Variants in CCSER2 observed in about 807,000 individuals in gnomAD.
CCSER2 encodes the protein coiled-coil serine rich protein 2.
In CCSER2, 46 loss-of-function variants were observed where a neutral mutation model predicts 92.3. The ratio of observed to expected loss-of-function variants is 0.50; its 90% confidence interval spans 0.39 to 0.64. The LOEUF (loss-of-function observed/expected upper bound fraction) is 0.64, where lower values mean the gene tolerates loss of function less well. CCSER2 is among the 30% of genes least tolerant of loss of function. The pLI, the probability that CCSER2 is intolerant of heterozygous loss-of-function variation, is 0.00. For missense variants in CCSER2, 1,244 were observed against 1,238.9 expected (o/e 1.00, Z -0.06); for synonymous variants, 433 against 431.4 (o/e 1.00, Z -0.04).
In CCSER2 at chr10:84,372,284, G is replaced by A; in HGVS notation, c.1232G>A (p.Ser411Asn). 1 of 1,613,076 alleles carries A rather than the reference G, an allele frequency of 6.2e-7. No individual in the cohort carries two copies. Among genetic ancestry groups the A allele is most frequent in the Admixed American group, 1.7e-5 (1 of 59,924 alleles). The change falls in exon 2 of 10, where the codon AGT becomes AAT. Residue 411 changes from serine (S) to asparagine (N), a missense_variant. Transcript: ENST00000372088. ...SLSSSDKNDL[S>N]EDFSDDFIDI... Reference sequence around the variant, plus strand: ...TCATCTTCTGATAAGAATGATTTAAGTGAAGACTTTAGTGATGATTTTATA... The same window carrying A: ...TCATCTTCTGATAAGAATGATTTAAATGAAGACTTTAGTGATGATTTTATA...
At chr10:84,427,589 C>T (rs928458731) in intron 5 of CCSER2, among the ~76,000 whole-genome samples, 4 of 152,104 alleles carry the variant, frequency 2.6e-5, no homozygotes, top group African/African-American at 7.2e-5. Context: ...ATGCCTTATC[C>T]GTAACTCAGG....
intron 9 of CCSER2, among the ~76,000 whole-genome samples, chr10:84,510,019 C>T (rs746614413): frequency 4.6e-5 from 7 of 152,168 alleles, no homozygotes; most frequent in Non-Finnish European, 8.8e-5. Context: ...CATTCTAAAA[C>T]ACACACATTA....
At chr10:84,511,138 CTG>C (rs1186815882) in intron 9 of CCSER2, among the ~76,000 whole-genome samples, 1 of 152,094 alleles carries the variant, frequency 6.6e-6, no homozygotes, top group African/African-American at 2.4e-5. Context: ...ATTTATAAAA[CTG>C]TTAAATTCCT....
At chr10:84,449,563 T>G (rs1042080734) in intron 6 of CCSER2, among the ~76,000 whole-genome samples, 2 of 151,804 alleles carry the variant, frequency 1.3e-5, no homozygotes, top group African/African-American at 4.8e-5. Context: ...CATAAAATGC[T>G]AACGTAGGGC....
At chr10:84,411,043 C>T (rs1220178701) in intron 3 of CCSER2, among the ~76,000 whole-genome samples, 3 of 152,086 alleles carry the variant, frequency 2.0e-5, no homozygotes, top group Non-Finnish European at 4.4e-5. Flanking sequence ...TTGCTTGTTT[C>T]TGTCAGGTTT....
intron 6 of CCSER2, 110 bp from the exon 7 acceptor site, chr10:84,463,823 T>C: frequency 1.5e-6 from 1 of 662,358 alleles, no homozygotes; most frequent in South Asian, 2.0e-5. Context: ...TTCACCATGC[T>C]AGCATTTGGT....
At chr10:84,387,080 A>G (rs1242878105) in intron 3 of CCSER2, among the ~76,000 whole-genome samples, 4 of 152,126 alleles carry the variant, frequency 2.6e-5, no homozygotes, top group Non-Finnish European at 5.9e-5. Flanking sequence ...TGAATCTAAA[A>G]TCAAAAAAAA....
At chr10:84,361,722 A>G (rs1326985786) in intron 1 of CCSER2, among the ~76,000 whole-genome samples, 1 of 151,818 alleles carries the variant, frequency 6.6e-6, no homozygotes, top group Admixed American at 6.6e-5. Flanking sequence ...CCTCACTGCA[A>G]CCTCTGCGTT....
chr10:84,382,139 T>C (rs1246973521), intron 3 of CCSER2, among the ~76,000 whole-genome samples: 1 of 152,214 alleles, frequency 6.6e-6, no homozygotes, highest in Non-Finnish European at 1.5e-5. Flanking sequence ...TATTACTGTA[T>C]GCTGAATCCT....
intron 9 of CCSER2, among the ~76,000 whole-genome samples, chr10:84,507,515 A>G (rs915341922): frequency 1.3e-5 from 2 of 152,160 alleles, no homozygotes; most frequent in East Asian, 1.9e-4. Context: ...ATAAACTTGT[A>G]TGTACCCAGG....
At chr10:84,352,144 T>TA (rs896020963) in intron 1 of CCSER2, among the ~76,000 whole-genome samples, 15 of 148,996 alleles carry the variant, frequency 1.0e-4, no homozygotes, top group Non-Finnish European at 1.8e-4. Flanking sequence ...ACTAAAAATA[T>TA]AAAAAAAAAA....
At chr10:84,499,411 T>C (rs1848607642) in intron 9 of CCSER2, among the ~76,000 whole-genome samples, 1 of 152,290 alleles carries the variant, frequency 6.6e-6, no homozygotes, top group South Asian at 2.1e-4. Flanking sequence ...TGGGATTACA[T>C]GCGTGAGCCC....
intron 1 of CCSER2, among the ~76,000 whole-genome samples, chr10:84,347,560 C>T (rs2133049755): frequency 6.6e-6 from 1 of 151,960 alleles, no homozygotes; most frequent in South Asian, 2.1e-4. Flanking sequence ...GGCTGCCTCC[C>T]ACCTCCCTCG....
Position 84,339,765 on chromosome 10 carries a change from G to A in CCSER2, c.-40+10957G>A, listed in dbSNP as rs79464076. On this transcript the variant is annotated intron_variant, in intron 1 of 9. Coordinates refer to ENST00000372088, the MANE Select transcript of CCSER2 (RefSeq NM_001284240.2). ...GCTGGGATTACAGGCATGAGCTACC[G>A]TGCCTGGCCACTATTTCTTTTTTTG... is the stretch of plus-strand genomic sequence containing the variant. Among the ~76,000 whole-genome samples, 875 of 152,130 alleles carry A rather than the reference G, an allele frequency of 5.8e-3. 7 individuals are homozygous for A. The highest frequency in any genetic ancestry group is 0.018 in the African/African-American group (743 of 41,518).
rs181308720 is a variant in CCSER2, at chr10:84,484,203, C to G, written c.2325+6539C>G. Among the ~76,000 whole-genome samples the G allele has an allele frequency of 3.3e-5, 5 of 151,668 alleles. No individual in the cohort carries two copies. In the East Asian group the frequency reaches 9.7e-4, roughly 30 times the overall value. On this transcript the variant is annotated intron_variant, in intron 9 of 9. Transcript: ENST00000372088. ...GCGTTAGCCAGGATGGTCTCTATCT[C>G]CTGATCTCGTGATCCACCTGCCTCT...
chr10:84,409,381 C>A (rs927888059), intron 3 of CCSER2, among the ~76,000 whole-genome samples: 1 of 151,704 alleles, frequency 6.6e-6, no homozygotes, highest in African/African-American at 2.4e-5. Flanking sequence ...CTCAAGCGAT[C>A]CTCCTGCCTC....
intron 1 of CCSER2, among the ~76,000 whole-genome samples, chr10:84,363,190 T>C (rs1457432645): frequency 2.1e-4 from 32 of 149,602 alleles, no homozygotes; most frequent in African/African-American, 7.7e-4. Flanking sequence ...GATGGGGTTT[T>C]ACCATGTTGG....
chr10:84,340,398 T>C (rs1844110101), intron 1 of CCSER2, among the ~76,000 whole-genome samples: 1 of 152,224 alleles, frequency 6.6e-6, no homozygotes, highest in South Asian at 2.1e-4. Flanking sequence ...CAAATAATTA[T>C]CCAATGTTGA....
chr10:84,419,355 CA>C (rs538991185), intron 4 of CCSER2, among the ~76,000 whole-genome samples: 136 of 91,396 alleles, frequency 1.5e-3, no homozygotes, highest in South Asian at 2.4e-3. Flanking sequence ...GCTCCCTTCT[CA>C]AAAAAAAAAA....
Sources: allele counts gnomAD v4.1 joint callset (sites outside exome capture counted in the v4.1 genomes callset), GRCh38; gene constraint gnomAD v4.1.1; transcripts MANE v1.5; gene names NCBI Gene and HGNC (gene_info 2026-07-23, HGNC 2026-07-21).